Variants in SLC35F3 observed in about 807,000 individuals in gnomAD.
The protein encoded by SLC35F3 is solute carrier family 35 member F3.
Under a neutral mutation model 49.9 loss-of-function variants are expected in SLC35F3, and 25 were observed. The ratio of observed to expected loss-of-function variants is 0.50; its 90% CI spans 0.37 to 0.70. SLC35F3 has a LOEUF of 0.70. Among genes scored for constraint, SLC35F3 ranks in the 30% least tolerant of loss-of-function variants. The pLI, the probability that SLC35F3 is intolerant of heterozygous loss-of-function variation, is 0.00. For synonymous variants in SLC35F3, 275 were observed against 265.4 expected, an observed-to-expected ratio of 1.04 and a Z score of -0.35; for missense variants, 525 against 639.8, an observed-to-expected ratio of 0.82 and a Z score of 1.94.
chr1:234,013,424 C>G (rs1318290325), intron 2 of SLC35F3, among the ~76,000 whole-genome samples: 8 of 151,118 alleles, frequency 5.3e-5, no homozygotes, highest in African/African-American at 1.9e-4. Flanking sequence ...AATGTTATAC[C>G]TCAAGGAACT....
At chr1:233,979,998 T>TG (rs1462490571) in intron 2 of SLC35F3, among the ~76,000 whole-genome samples, 1 of 152,224 alleles carries the variant, frequency 6.6e-6, no homozygotes, top group East Asian at 1.9e-4. Flanking sequence ...CCACCAGTTG[T>TG]GCCCCTCTAA....
intron 2 of SLC35F3, among the ~76,000 whole-genome samples, chr1:234,022,430 A>G (rs1417427109): frequency 6.6e-6 from 1 of 151,164 alleles, no homozygotes; most frequent in African/African-American, 2.4e-5. Context: ...TGAAGGCCAT[A>G]TGGAGGCAGA....
At chr1:234,175,936 A>G (rs904419592) in intron 2 of SLC35F3, among the ~76,000 whole-genome samples, 1 of 152,100 alleles carries the variant, frequency 6.6e-6, no homozygotes, top group East Asian at 1.9e-4. Context: ...CTGGCCTCCA[A>G]TCTTTCTCCA....
At chr1:233,971,479 T>C (rs1306598914) in intron 2 of SLC35F3, among the ~76,000 whole-genome samples, 1 of 152,146 alleles carries the variant, frequency 6.6e-6, no homozygotes. Flanking sequence ...CCCAGCACTT[T>C]GGGAGGCCGA....
At chr1:233,965,486 G>T (rs1662888816) in intron 2 of SLC35F3, among the ~76,000 whole-genome samples, 1 of 152,114 alleles carries the variant, frequency 6.6e-6, no homozygotes. Context: ...GTTTTGTTTT[G>T]GTTGCCAACA....
At chr1:234,149,034 G>A (rs1666035466) in intron 2 of SLC35F3, among the ~76,000 whole-genome samples, 1 of 152,190 alleles carries the variant, frequency 6.6e-6, no homozygotes, top group South Asian at 2.1e-4. Flanking sequence ...AAGTGAAGAT[G>A]TCAAATCAGT....
intron 2 of SLC35F3, among the ~76,000 whole-genome samples, chr1:233,966,516 C>T (rs1487717016): frequency 6.6e-6 from 1 of 152,196 alleles, no homozygotes; most frequent in Non-Finnish European, 1.5e-5. Context: ...ACACCCTAAT[C>T]AGACCTAATC....
rs1247747242 is a variant in SLC35F3, at chr1:234,243,285, AC to A, written c.608+11545del. On this transcript the variant is annotated intron_variant, in intron 3 of 7. Coordinates refer to ENST00000366618, the MANE Select transcript of SLC35F3 (RefSeq NM_173508.4). ...CACGAGAATCACTTGAACCTGGGAG[AC>A]AGAGGTTGCAGAGATCACGCCACTG... is the stretch of plus-strand genomic sequence containing the variant. 2.0e-5 allele frequency among the ~76,000 whole-genome samples: 3 copies of A among 152,062 alleles called. No homozygotes were observed. In the East Asian group the frequency reaches 5.8e-4, roughly 29 times the overall value.
At chr1:234,081,885 C>G in intron 2 of SLC35F3, among the ~76,000 whole-genome samples, 1 of 141,246 alleles carries the variant, frequency 7.1e-6, no homozygotes, top group Non-Finnish European at 1.5e-5. Flanking sequence ...CTACAGGCGC[C>G]TGCCACCATG....
intron 2 of SLC35F3, among the ~76,000 whole-genome samples, chr1:233,937,851 C>T (rs528262767): frequency 3.3e-5 from 5 of 152,054 alleles, no homozygotes; most frequent in South Asian, 4.2e-4. Context: ...AGACAGAGTT[C>T]GATAGTGTTG....
At chr1:234,189,478 G>A (rs1049535916) in intron 2 of SLC35F3, among the ~76,000 whole-genome samples, 1 of 147,512 alleles carries the variant, frequency 6.8e-6, no homozygotes, top group Non-Finnish European at 1.5e-5. Flanking sequence ...TTCAGAGCTC[G>A]AAGACAAGGT....
At chr1:234,108,675 TATA>T (rs1665340364) in intron 2 of SLC35F3, among the ~76,000 whole-genome samples, 1 of 113,080 alleles carries the variant, frequency 8.8e-6, no homozygotes. Context: ...ATAAAAGATA[TATA>T]TATTTTTATA....
At chr1:233,921,660 T>TA (rs1440652693) in intron 2 of SLC35F3, among the ~76,000 whole-genome samples, 5 of 152,140 alleles carry the variant, frequency 3.3e-5, no homozygotes, top group East Asian at 1.9e-4. Context: ...TTTCTTTTTT[T>TA]TTATTATTAT....
chr1:234,122,626 C>G (rs1001474271), intron 2 of SLC35F3, among the ~76,000 whole-genome samples: 1 of 152,164 alleles, frequency 6.6e-6, no homozygotes, highest in Non-Finnish European at 1.5e-5. Context: ...CCTTGTCCCC[C>G]ATGGCCCAAC....
chr1:234,283,184 G>A (rs759381603), intron 3 of SLC35F3, among the ~76,000 whole-genome samples: 6 of 152,122 alleles, frequency 3.9e-5, no homozygotes, highest in Non-Finnish European at 7.4e-5. Context: ...CCCGTGCAGG[G>A]CCCCGAAACA....
intron 2 of SLC35F3, among the ~76,000 whole-genome samples, chr1:233,927,250 A>T (rs1177212179): frequency 6.6e-6 from 1 of 152,124 alleles, no homozygotes; most frequent in Non-Finnish European, 1.5e-5. Context: ...ATAAGTTTTC[A>T]ACTCCTTTGG....
At chr1:233,952,147 T>G (rs985949894) in intron 2 of SLC35F3, among the ~76,000 whole-genome samples, 2 of 152,182 alleles carry the variant, frequency 1.3e-5, no homozygotes, top group African/African-American at 4.8e-5. Context: ...TGCTTTTTTT[T>G]TCTTCTACTT....
At chr1:233,929,382 A>G (rs1193152556) in intron 2 of SLC35F3, among the ~76,000 whole-genome samples, 1 of 152,152 alleles carries the variant, frequency 6.6e-6, no homozygotes, top group Non-Finnish European at 1.5e-5. Context: ...ATGTCTTAGG[A>G]AATGTACTAC....
At chr1:234,302,168 GT>G (rs1039830707) in intron 3 of SLC35F3, among the ~76,000 whole-genome samples, 1 of 151,112 alleles carries the variant, frequency 6.6e-6, no homozygotes, top group Admixed American at 6.6e-5. Flanking sequence ...TGTTGTTGTT[GT>G]TTTTTTTAAG....
Sources: gnomAD v4.1 joint callset for allele counts (sites outside exome capture counted in the v4.1 genomes callset) on GRCh38, gnomAD v4.1.1 for gene constraint, MANE v1.5 for transcripts, NCBI Gene and HGNC (gene_info 2026-07-23, HGNC 2026-07-21) for gene names.